The following MCTP1 variants were observed in gnomAD, a reference collection of about 807,000 sequenced individuals.
The protein encoded by MCTP1 is multiple C2 and transmembrane domain containing 1.
MCTP1 carries 69 observed loss-of-function variants against 120.6 expected under a neutral mutation model. The ratio of observed to expected loss-of-function variants is 0.57; its 90% CI spans 0.47 to 0.70. The LOEUF is 0.70. MCTP1 is among the 30% of genes least tolerant of loss of function. MCTP1 has a pLI of 0.00. For synonymous variants in MCTP1, 529 were observed against 493.1 expected (o/e 1.07, Z -0.96); for missense variants, 1,203 against 1,248.8 (o/e 0.96, Z 0.55).
Position 94,912,844 on chromosome 5 carries a change from C to T in MCTP1, c.1483G>A (p.Val495Met), listed in dbSNP as rs1450694472. Residue 495 changes from valine (V) to methionine (M), a missense_variant, in exon 9 of 23, where the codon GTG becomes ATG. Physicochemically the swap from Val to Met is conservative, Grantham distance 21. This residue lies in a region of MCTP1 where 740 missense variants were observed against 871.1 expected (regional missense o/e 0.85). Transcript: ENST00000515393. ...MDSNGLSDPY[V>M]KFRLGHQKYK... The stretch of plus-strand genomic sequence containing the variant: ...TTCTGATGCCCAAGCCGGAACTTCA[C>T]GTAGGGATCGCTCAACCCGTTGGAA... 8.2e-6 allele frequency: 13 copies of T among 1,583,344 alleles called. No homozygotes were observed. Among genetic ancestry groups the T allele is most frequent in the African/African-American group, 1.4e-5 (1 of 72,782 alleles).
At chr5:94,989,663 G>A (rs1831138481) in intron 2 of MCTP1, among the ~76,000 whole-genome samples, 1 of 152,130 alleles carries the variant, frequency 6.6e-6, no homozygotes, top group African/African-American at 2.4e-5. Context: ...TCTCTAGATG[G>A]CTTCAGGATG....
intron 1 of MCTP1, among the ~76,000 whole-genome samples, chr5:95,260,980 A>G (rs943512911): frequency 6.6e-6 from 1 of 152,202 alleles, no homozygotes; most frequent in Non-Finnish European, 1.5e-5. Flanking sequence ...AGTTCATTCT[A>G]CCTTTTTAAA....
At chr5:95,240,153 G>A (rs956305998) in intron 1 of MCTP1, among the ~76,000 whole-genome samples, 4 of 152,026 alleles carry the variant, frequency 2.6e-5, no homozygotes, top group Non-Finnish European at 2.9e-5. Flanking sequence ...GTTAACTAGC[G>A]AAATCAGTAT....
intron 2 of MCTP1, among the ~76,000 whole-genome samples, chr5:94,998,190 A>T (rs994732053): frequency 4.6e-5 from 7 of 152,118 alleles, no homozygotes; most frequent in Admixed American, 1.3e-4. Context: ...TCAATTATTT[A>T]AAAAAATAAG....
intron 1 of MCTP1, among the ~76,000 whole-genome samples, chr5:95,278,328 AG>A (rs1418019828): frequency 2.0e-5 from 3 of 152,226 alleles, no homozygotes; most frequent in Non-Finnish European, 4.4e-5. Flanking sequence ...AAAACTGTAA[AG>A]GCTATTTGTT....
chr5:95,016,432 T>C (rs1837122782), intron 2 of MCTP1, among the ~76,000 whole-genome samples: 1 of 152,154 alleles, frequency 6.6e-6, no homozygotes, highest in African/African-American at 2.4e-5. Context: ...TTTATTCCTT[T>C]AGATATAGGA....
intron 1 of MCTP1, among the ~76,000 whole-genome samples, chr5:95,112,068 G>A (rs145248883): frequency 1.1e-3 from 166 of 152,258 alleles, no homozygotes; most frequent in African/African-American, 3.6e-3. Flanking sequence ...GTGCACACAC[G>A]CTATATAACT....
intron 2 of MCTP1, among the ~76,000 whole-genome samples, chr5:94,998,809 C>T (rs1215631209): frequency 6.6e-6 from 1 of 152,198 alleles, no homozygotes; most frequent in African/African-American, 2.4e-5. Flanking sequence ...AAGTTACATA[C>T]ATGTTAACTC....
At chr5:95,102,768 T>G (rs1263698001) in intron 1 of MCTP1, among the ~76,000 whole-genome samples, 1 of 152,104 alleles carries the variant, frequency 6.6e-6, no homozygotes, top group African/African-American at 2.4e-5. Flanking sequence ...GGAAGCCCCT[T>G]AAGGAGGTGA....
At chr5:94,932,475 A>C (rs2153481997) in intron 5 of MCTP1, among the ~76,000 whole-genome samples, 1 of 152,200 alleles carries the variant, frequency 6.6e-6, no homozygotes, top group African/African-American at 2.4e-5. Context: ...TTAAAAACAA[A>C]TGCTGCATAC....
chr5:94,949,701 C>CT lies in MCTP1; in HGVS notation c.981+3517dup, dbSNP rs149211768. ...CAGATTACAGGGTACTGATGGACTTCTTTTTCCTGTAATTATAGATAGGAG... is the reference window on the plus strand; with the variant it reads ...CAGATTACAGGGTACTGATGGACTTCTTTTTTCCTGTAATTATAGATAGGAG... On this transcript the variant is annotated intron_variant, in intron 3 of 22. Transcript: ENST00000515393. 1.6e-3 allele frequency among the ~76,000 whole-genome samples: 245 copies of CT among 152,134 alleles called. 1 individual carries two copies. The highest frequency in any genetic ancestry group is 5.5e-3 in the African/African-American group (227 of 41,522).
intron 19 of MCTP1, among the ~76,000 whole-genome samples, chr5:94,777,781 C>T (rs1775695414): frequency 6.6e-6 from 1 of 152,082 alleles, no homozygotes; most frequent in African/African-American, 2.4e-5. Context: ...AAAACAAGCA[C>T]ATATGTGTTT....
intron 1 of MCTP1, among the ~76,000 whole-genome samples, chr5:95,032,526 A>C (rs1840496056): frequency 6.6e-6 from 1 of 152,194 alleles, no homozygotes; most frequent in Middle Eastern, 3.4e-3. Flanking sequence ...AAATAAAAAA[A>C]ATTTTTGACA....
intron 19 of MCTP1, among the ~76,000 whole-genome samples, chr5:94,751,885 A>G (rs1397459056): frequency 2.0e-5 from 3 of 148,660 alleles, no homozygotes; most frequent in Non-Finnish European, 3.0e-5. Flanking sequence ...GCATGTTCTC[A>G]CTCATAGATG....
At chr5:94,955,406 AGT>A (rs1822324067) in intron 2 of MCTP1, among the ~76,000 whole-genome samples, 2 of 152,198 alleles carry the variant, frequency 1.3e-5, no homozygotes, top group Admixed American at 6.5e-5. Context: ...CTGGAATGCC[AGT>A]GAAACAGAAC....
chr5:94,967,416 A>T (rs1303198016), intron 2 of MCTP1, among the ~76,000 whole-genome samples: 1 of 152,234 alleles, frequency 6.6e-6, no homozygotes, highest in African/African-American at 2.4e-5. Flanking sequence ...AAACTGCAGC[A>T]TGAAATAAGG....
rs550074211 is a variant in MCTP1, at chr5:94,906,936, G to C, written c.1652+2315C>G. 2.6e-5 allele frequency among the ~76,000 whole-genome samples: 4 copies of C among 152,168 alleles called. No homozygotes were observed. The South Asian group carries it at 8.3e-4, about 32-fold the overall frequency. On this transcript the variant is annotated intron_variant, in intron 10 of 22. Coordinates refer to ENST00000515393, the MANE Select transcript of MCTP1 (RefSeq NM_024717.7). Reference sequence around the variant, plus strand: ...TGTTGCAGTGAGAGCTTGCAAAAAAGGACAGATGATTATGATGACAGTTTT... The same window carrying C: ...TGTTGCAGTGAGAGCTTGCAAAAAACGACAGATGATTATGATGACAGTTTT...
chr5:95,101,465 C>T (rs962141038), intron 1 of MCTP1, among the ~76,000 whole-genome samples: 2 of 152,184 alleles, frequency 1.3e-5, no homozygotes, highest in African/African-American at 2.4e-5. Context: ...TAACAATTTT[C>T]ATGTATTTAC....
At chr5:94,767,388 C>T (rs1375506350) in intron 19 of MCTP1, among the ~76,000 whole-genome samples, 6 of 151,998 alleles carry the variant, frequency 3.9e-5, no homozygotes, top group African/African-American at 1.5e-4. Flanking sequence ...CACTCTTGTT[C>T]AACATAGTAC....
Sources: allele counts gnomAD v4.1 joint callset (sites outside exome capture counted in the v4.1 genomes callset), GRCh38; gene constraint gnomAD v4.1.1; regional missense constraint gnomAD v4.1.1; transcripts MANE v1.5; gene names NCBI Gene and HGNC (gene_info 2026-07-23, HGNC 2026-07-21).